The following GRIA2 variants were observed in gnomAD, a reference collection of about 807,000 sequenced individuals.
The protein encoded by GRIA2 is glutamate ionotropic receptor AMPA type subunit 2.
GRIA2 carries 14 observed loss-of-function variants against 97.3 expected under a neutral mutation model. That is an observed-to-expected ratio of 0.14 (90% CI 0.10 to 0.23). GRIA2 has a LOEUF of 0.23. Ranked by LOEUF, GRIA2 falls within the 10% of genes least tolerant of loss-of-function variation. The probability of loss-of-function intolerance (pLI) is 1.00; values close to 1 mark genes in which losing one functional copy is unlikely to be tolerated. For missense variants in GRIA2, 558 were observed against 1,069.8 expected, an observed-to-expected ratio of 0.52 and a Z score of 6.67; for synonymous variants, 412 against 387.8, an observed-to-expected ratio of 1.06 and a Z score of -0.73.
At position 157,268,849 on chromosome 4, in the gene GRIA2, A is replaced by G. The variant is rs530658693; in HGVS notation, c.230-34703A>G. Among the ~76,000 whole-genome samples, 16 of 152,172 alleles carry G rather than the reference A, an allele frequency of 1.1e-4. No individual in the cohort carries two copies. The East Asian group carries it at 2.9e-3, about 28-fold the overall frequency. On this transcript the variant is annotated intron_variant, in intron 2 of 15. Coordinates refer to ENST00000264426, the MANE Select transcript of GRIA2 (RefSeq NM_001083619.3). ...AAAAAATAGAAAGAATTTAAAAACC[A>G]AGAAAGGAAGGAAATTGTCTGGAAG...
intron 2 of GRIA2, among the ~76,000 whole-genome samples, chr4:157,276,436 AG>A (rs1445043402): frequency 6.6e-6 from 1 of 152,048 alleles, no homozygotes; most frequent in African/African-American, 2.4e-5. Flanking sequence ...AGAAGAAAAA[AG>A]TAAAATCAAT....
At position 157,316,170 on chromosome 4, in the gene GRIA2, CAG is replaced by C. The variant is rs540088237; in HGVS notation, c.667-1486_667-1485del. ...TAGAATGTACAGTAAGCAGAGCTAA[CAG>C]ATGTCAGCAGGAAATAGGAGGGACA... On this transcript the variant is annotated intron_variant, in intron 4 of 15. Transcript: ENST00000264426. 6.5e-4 allele frequency among the ~76,000 whole-genome samples: 99 copies of C among 152,182 alleles called. 1 individual carries two copies. Among genetic ancestry groups the C allele is most frequent in the African/African-American group, 2.1e-3 (88 of 41,536 alleles).
At chr4:157,237,814 A>C (rs2126708990) in intron 2 of GRIA2, among the ~76,000 whole-genome samples, 1 of 152,294 alleles carries the variant, frequency 6.6e-6, no homozygotes, top group Non-Finnish European at 1.5e-5. Flanking sequence ...GCCCAGAGGG[A>C]TAAATAAAGG....
intron 5 of GRIA2, among the ~76,000 whole-genome samples, chr4:157,318,546 T>G (rs190749741): frequency 1.3e-5 from 2 of 152,240 alleles, no homozygotes; most frequent in African/African-American, 2.4e-5. Flanking sequence ...GAATAAACCT[T>G]TTACAATTAA....
Position 157,365,796 on chromosome 4 carries a change from G to A in GRIA2, c.*2365G>A, listed in dbSNP as rs142291426. 65 of 151,880 alleles carry A rather than the reference G, an allele frequency of 4.3e-4. No individual in the cohort carries two copies. Among genetic ancestry groups the A allele is most frequent in the African/African-American group, 1.4e-3 (57 of 41,444 alleles). 9.4% of individuals were successfully genotyped at this position (151,880 alleles called of 1,614,324 possible). A position where few individuals can be genotyped will look rare whatever the true frequency, so the allele number is the denominator to read the frequency against. ...AAAACTGTTATGGAAAGACCAAAAT[G>A]TTTATGAACTATTCTTATGTAAATT... On this transcript the variant is annotated 3_prime_UTR_variant, in exon 16 of 16. Transcript: ENST00000264426.
intron 2 of GRIA2, among the ~76,000 whole-genome samples, chr4:157,247,358 GA>G (rs1327214924): frequency 6.6e-6 from 1 of 152,284 alleles, no homozygotes; most frequent in African/African-American, 2.4e-5. Context: ...TGTGATTGAT[GA>G]AACTGGGAAA....
At chr4:157,357,137 C>G (rs1285157861) in intron 12 of GRIA2, among the ~76,000 whole-genome samples, 1 of 152,058 alleles carries the variant, frequency 6.6e-6, no homozygotes, top group Non-Finnish European at 1.5e-5. Flanking sequence ...GTCTAAGACT[C>G]TTTCTGATAT....
At chr4:157,346,771 G>A (rs1410395234) in intron 12 of GRIA2, among the ~76,000 whole-genome samples, 1 of 152,058 alleles carries the variant, frequency 6.6e-6, no homozygotes, top group South Asian at 2.1e-4. Flanking sequence ...TCAGTTTTTT[G>A]GGGGCTTGAT....
intron 2 of GRIA2, among the ~76,000 whole-genome samples, chr4:157,228,116 C>T (rs1729830835): frequency 1.3e-5 from 2 of 152,038 alleles, no homozygotes; most frequent in Admixed American, 1.3e-4. Context: ...GAAGACAGGC[C>T]CTTGCTGCTG....
At chr4:157,284,922 T>C (rs2126821929) in intron 2 of GRIA2, among the ~76,000 whole-genome samples, 1 of 151,826 alleles carries the variant, frequency 6.6e-6, no homozygotes, top group South Asian at 2.1e-4. Flanking sequence ...TGCATACATT[T>C]CTAAGTGTTT....
chr4:157,225,740 A>G (rs1007807234), intron 2 of GRIA2, among the ~76,000 whole-genome samples: 2 of 150,898 alleles, frequency 1.3e-5, no homozygotes, highest in African/African-American at 2.4e-5. Context: ...GAACTTTAGT[A>G]TGAGGATATG....
intron 2 of GRIA2, among the ~76,000 whole-genome samples, chr4:157,225,428 G>A (rs750562333): frequency 5.9e-5 from 9 of 151,520 alleles, no homozygotes; most frequent in African/African-American, 9.7e-5. Flanking sequence ...TTTTCCTGAA[G>A]GTTGTTCAAA....
chr4:157,321,359 GTATAGAGT>G, intron 5 of GRIA2, 71 bp from the exon 6 acceptor site: 1 of 974,822 alleles, frequency 1.0e-6, no homozygotes, highest in South Asian at 1.5e-5. Flanking sequence ...AAACCACAAT[GTATAGAGT>G]TATTTGGTAA....
At chr4:157,266,411 A>G (rs1047848619) in intron 2 of GRIA2, among the ~76,000 whole-genome samples, 1 of 152,152 alleles carries the variant, frequency 6.6e-6, no homozygotes, top group Admixed American at 6.6e-5. Flanking sequence ...TAACTGAGAA[A>G]GAGCATCCAG....
chr4:157,271,052 T>C (rs1359495643), intron 2 of GRIA2, among the ~76,000 whole-genome samples: 1 of 152,070 alleles, frequency 6.6e-6, no homozygotes, highest in African/African-American at 2.4e-5. Flanking sequence ...CTAACCATAT[T>C]AGAATATAGA....
At chr4:157,223,110 A>C (rs1013426959) in intron 2 of GRIA2, among the ~76,000 whole-genome samples, 1 of 152,188 alleles carries the variant, frequency 6.6e-6, no homozygotes, top group East Asian at 1.9e-4. Context: ...TTCCCACGTC[A>C]CACAAACAAC....
chr4:157,351,037 A>G (rs1304102099), intron 12 of GRIA2, among the ~76,000 whole-genome samples: 1 of 150,640 alleles, frequency 6.6e-6, no homozygotes, highest in Non-Finnish European at 1.5e-5. Context: ...TGTCATGTAT[A>G]TCTTCATCCA....
chr4:157,230,103 A>C (rs1729932880), intron 2 of GRIA2, among the ~76,000 whole-genome samples: 1 of 152,158 alleles, frequency 6.6e-6, no homozygotes, highest in South Asian at 2.1e-4. Flanking sequence ...ATGGAAACTC[A>C]AGTTAAATAA....
chr4:157,234,538 T>C (rs17035889), intron 2 of GRIA2, among the ~76,000 whole-genome samples: 26,169 of 152,050 alleles, frequency 0.17, 2,399 homozygotes, highest in African/African-American at 0.23. Flanking sequence ...TAGATGATGG[T>C]TAACATTTAG....
Sources: allele counts gnomAD v4.1 joint callset (sites outside exome capture counted in the v4.1 genomes callset), GRCh38; gene constraint gnomAD v4.1.1; transcripts MANE v1.5; gene names NCBI Gene and HGNC (gene_info 2026-07-23, HGNC 2026-07-21).